The following PTGIS variants were observed in gnomAD, a reference collection of about 807,000 sequenced individuals.
PTGIS encodes the protein prostacyclin synthase.
PTGIS carries 45 observed loss-of-function variants against 50.3 expected under a neutral mutation model. That is an observed-to-expected ratio of 0.90 (90% CI 0.70 to 1.15). The LOEUF (loss-of-function observed/expected upper bound fraction) is 1.15. Among genes scored for constraint, PTGIS ranks in the 50% most tolerant of loss-of-function variants. The pLI is 0.00. For missense variants in PTGIS, 668 were observed against 661.3 expected (o/e 1.01, Z -0.11); for synonymous variants, 260 against 267.7 (o/e 0.97, Z 0.28).
chr20:49,533,504 T>C (rs1981988522), intron 5 of PTGIS, among the ~76,000 whole-genome samples: 1 of 151,984 alleles, frequency 6.6e-6, no homozygotes, highest in Non-Finnish European at 1.5e-5. Context: ...TTAAAATATA[T>C]TTATACTTTA....
In PTGIS at chr20:49,533,831, C is replaced by T. The variant is rs543762057; in HGVS notation, c.673+5739G>A. ...AACACATTATCCGGGGGTGGTGGTA[C>T]GTGCCTGTAATCCCAGCTACTCGGG... On this transcript the variant is annotated intron_variant, in intron 5 of 9. Transcript: ENST00000244043. 1.7e-4 allele frequency among the ~76,000 whole-genome samples: 26 copies of T among 152,140 alleles called. 1 individual carries two copies. Among genetic ancestry groups the T allele is most frequent in the Middle Eastern group, 6.8e-3 (2 of 292 alleles).
intron 1 of PTGIS, among the ~76,000 whole-genome samples, chr20:49,554,282 T>A (rs1982575520): frequency 1.3e-5 from 2 of 152,212 alleles, no homozygotes; most frequent in South Asian, 4.1e-4. Context: ...CATAAAGGTC[T>A]AAAGGAAATG....
chr20:49,567,410 T>C (rs545327771), intron 1 of PTGIS, among the ~76,000 whole-genome samples: 1 of 152,258 alleles, frequency 6.6e-6, no homozygotes, highest in East Asian at 1.9e-4. Flanking sequence ...AGGCCTCAGT[T>C]TCTCCCTGGC....
intron 1 of PTGIS, among the ~76,000 whole-genome samples, chr20:49,561,947 G>A (rs1601206856): frequency 6.6e-6 from 1 of 152,110 alleles, no homozygotes; most frequent in South Asian, 2.1e-4. Context: ...TTTAATGAAC[G>A]CTGATGGTGT....
At chr20:49,537,184 C>A (rs1982098616) in intron 5 of PTGIS, among the ~76,000 whole-genome samples, 1 of 152,150 alleles carries the variant, frequency 6.6e-6, no homozygotes, top group Admixed American at 6.5e-5. Context: ...CTGGATGGGG[C>A]TGAGGGACCT....
intron 5 of PTGIS, among the ~76,000 whole-genome samples, chr20:49,538,219 C>T (rs1001799669): frequency 7.1e-6 from 1 of 141,190 alleles, no homozygotes; most frequent in Non-Finnish European, 1.5e-5. Flanking sequence ...CGCACCACTG[C>T]ACTCCAGCCT....
intron 5 of PTGIS, among the ~76,000 whole-genome samples, chr20:49,524,948 A>C (rs1433777974): frequency 6.6e-6 from 1 of 152,212 alleles, no homozygotes; most frequent in African/African-American, 2.4e-5. Flanking sequence ...AATAAATGGT[A>C]GTTCTTTCCA....
At chr20:49,546,326 C>A (rs1036142786) in intron 3 of PTGIS, among the ~76,000 whole-genome samples, 3 of 152,162 alleles carry the variant, frequency 2.0e-5, no homozygotes, top group South Asian at 2.1e-4. Flanking sequence ...GCTAATGGGA[C>A]CCCCAGGGTC....
In PTGIS at chr20:49,564,437, G is replaced by A. The variant is rs143174064; in HGVS notation, c.74+3606C>T. Among the ~76,000 whole-genome samples the A allele has an allele frequency of 1.1e-3, 172 of 152,188 alleles. 1 individual carries two copies. Among genetic ancestry groups the A allele is most frequent in the African/African-American group, 4.0e-3 (164 of 41,516 alleles). On this transcript the variant is annotated intron_variant, in intron 1 of 9. Coordinates refer to ENST00000244043, the MANE Select transcript of PTGIS (RefSeq NM_000961.4). ...TGGCTAATTTTCTGTATTTTTAGTA[G>A]AGACGGGGTTTCATCGTGTTAGCCA... is the stretch of plus-strand genomic sequence containing the variant.
chr20:49,513,275 G>A lies in PTGIS; in HGVS notation c.1025-14C>T, dbSNP rs1200996883. The A allele has an allele frequency of 6.2e-7, 1 of 1,611,954 alleles. No homozygotes were observed. The highest frequency in any genetic ancestry group is 8.5e-7 in the Non-Finnish European group (1 of 1,179,618). ...TCAGCACGCTATCTGCATGGGGCAG[G>A]TGCAAGGAAGAGTCAGCGGGCTATC... On this transcript the variant is annotated splice_polypyrimidine_tract_variant and intron_variant, in intron 7 of 9. Transcript: ENST00000244043.
intron 2 of PTGIS, among the ~76,000 whole-genome samples, chr20:49,549,618 G>A (rs549074952): frequency 1.3e-5 from 2 of 152,318 alleles, no homozygotes; most frequent in Admixed American, 1.3e-4. Context: ...CAGATGTCGG[G>A]TGAATCTATG....
At chr20:49,525,598 A>G (rs1981774549) in intron 5 of PTGIS, among the ~76,000 whole-genome samples, 1 of 150,766 alleles carries the variant, frequency 6.6e-6, no homozygotes, top group Non-Finnish European at 1.5e-5. Context: ...TTTTTTTTTA[A>G]AATATTTTCA....
At chr20:49,519,523 G>C (rs1018936126) in intron 6 of PTGIS, among the ~76,000 whole-genome samples, 11 of 151,602 alleles carry the variant, frequency 7.3e-5, no homozygotes, top group Non-Finnish European at 1.5e-5. Flanking sequence ...CCCACCACTG[G>C]AGAGCCCCAG....
rs1981376835 is a variant in PTGIS at position 49,513,274 on chromosome 20, G to C, written c.1025-13C>G. 1.2e-6 allele frequency: 2 copies of C among 1,612,228 alleles called. No individual in the cohort carries two copies. Among genetic ancestry groups the C allele is most frequent in the Non-Finnish European group, 8.5e-7 (1 of 1,179,660 alleles). ...CTCAGCACGCTATCTGCATGGGGCA[G>C]GTGCAAGGAAGAGTCAGCGGGCTAT... On this transcript the variant is annotated splice_polypyrimidine_tract_variant and intron_variant, in intron 7 of 9. Transcript: ENST00000244043.
chr20:49,558,316 G>A lies in PTGIS; in HGVS notation c.75-8127C>T, dbSNP rs564064248. ...AGTTTGGGGGATCACTTGAGCCTGG[G>A]AGGTGGAAGCTATAATGAGCTGTGA... On this transcript the variant is annotated intron_variant, in intron 1 of 9. Transcript: ENST00000244043. Among the ~76,000 whole-genome samples the A allele has an allele frequency of 2.0e-5, 3 of 152,310 alleles. No homozygotes were observed. In the East Asian group the frequency reaches 5.8e-4, roughly 29 times the overall value.
chr20:49,544,471 G>T, intron 3 of PTGIS, 23 bp from the exon 4 acceptor site: 1 of 1,614,074 alleles, frequency 6.2e-7, no homozygotes, highest in Non-Finnish European at 8.5e-7. Context: ...ACAAAAGCAT[G>T]AAAATTTGGC....
rs536338198 is a variant in PTGIS at position 49,562,893 on chromosome 20, A to G, written c.74+5150T>C. Among the ~76,000 whole-genome samples, 31 of 152,318 alleles carry G rather than the reference A, an allele frequency of 2.0e-4. 1 individual carries two copies. Among genetic ancestry groups the G allele is most frequent in the Admixed American group, 1.6e-3 (24 of 15,300 alleles). ...CGCATCTTCACTAGATGGAAGAGCC[A>G]TGAAGGGAGGGCGTGTTGTTCACTC... On this transcript the variant is annotated intron_variant, in intron 1 of 9. Transcript: ENST00000244043.
At position 49,539,638 on chromosome 20, in the gene PTGIS, T is replaced by A; in HGVS notation, c.605A>T (p.Asp202Val). The A allele has an allele frequency of 6.2e-7, 1 of 1,613,950 alleles. No individual in the cohort carries two copies. The highest frequency in any genetic ancestry group is 8.5e-7 in the Non-Finnish European group (1 of 1,179,994). The change falls in exon 5 of 10, where the codon GAT becomes GTT. Residue 202 changes from aspartate (D) to valine (V), a missense_variant. Physicochemically the swap from Asp to Val is radical, Grantham distance 152 (BLOSUM62 -3). Transcript: ENST00000244043. ...GAGCTGGCGAAAGGTGTGGAAGACATCAGCTGAGTGGACGCGGTCCTGGGC... is the reference window on the plus strand; with the variant it reads ...GAGCTGGCGAAAGGTGTGGAAGACAACAGCTGAGTGGACGCGGTCCTGGGC... ...SQAQDRVHSA[D>V]VFHTFRQLDR...
intron 5 of PTGIS, among the ~76,000 whole-genome samples, chr20:49,532,680 T>C (rs1233426626): frequency 2.0e-5 from 3 of 152,224 alleles, no homozygotes; most frequent in Non-Finnish European, 4.4e-5. Context: ...ATTGCTTCTT[T>C]AATTAAGAAA....
Sources: gnomAD v4.1 joint callset for allele counts (sites outside exome capture counted in the v4.1 genomes callset) on GRCh38, gnomAD v4.1.1 for gene constraint, MANE v1.5 for transcripts, NCBI Gene and HGNC (gene_info 2026-07-23, HGNC 2026-07-21) for gene names.